EVI5: variants seen among roughly 807,000 people sequenced by gnomAD.
EVI5 encodes the protein ecotropic viral integration site 5 protein homolog.
Under a neutral mutation model 112.0 loss-of-function variants are expected in EVI5, and 73 were observed. The observed-to-expected ratio is 0.65, with a 90% confidence interval of 0.54 to 0.79. The LOEUF is 0.79. Ranked by LOEUF, EVI5 falls within the 30% of genes least tolerant of loss-of-function variation. The pLI is 0.00. For synonymous variants in EVI5, 305 were observed against 319.9 expected, an observed-to-expected ratio of 0.95 and a Z score of 0.50; for missense variants, 900 against 968.8, an observed-to-expected ratio of 0.93 and a Z score of 0.94.
intron 16 of EVI5, chr1:92,622,247 G>C (rs1191946710): frequency 5.0e-6 from 2 of 398,500 alleles, no homozygotes; most frequent in Non-Finnish European, 1.0e-5. Flanking sequence ...TTTGATAACT[G>C]TACCTCAGTA....
chr1:92,690,178 G>A (rs1408190273), intron 9 of EVI5, among the ~76,000 whole-genome samples: 1 of 151,938 alleles, frequency 6.6e-6, no homozygotes, highest in Non-Finnish European at 1.5e-5. Flanking sequence ...ACGCCTGGCT[G>A]AAATAATGAA....
intron 2 of EVI5, among the ~76,000 whole-genome samples, chr1:92,716,906 C>T (rs758766717): frequency 2.0e-5 from 3 of 150,930 alleles, no homozygotes; most frequent in African/African-American, 4.9e-5. Flanking sequence ...TCGCCAGCAA[C>T]GGAACAAAGC....
At chr1:92,737,121 T>G (rs1677573574) in intron 1 of EVI5, among the ~76,000 whole-genome samples, 1 of 152,146 alleles carries the variant, frequency 6.6e-6, no homozygotes. Context: ...AAAAACTGGG[T>G]GTATTTAGCA....
At chr1:92,703,681 A>G in intron 3 of EVI5, 62 bp from the exon 4 acceptor site, 1 of 1,002,354 alleles carries the variant, frequency 1.0e-6, no homozygotes, top group Non-Finnish European at 1.5e-6. Flanking sequence ...CAAGCCAAGG[A>G]AGACTTATTA....
At chr1:92,640,871 C>T (rs1280618793) in intron 13 of EVI5, among the ~76,000 whole-genome samples, 1 of 152,148 alleles carries the variant, frequency 6.6e-6, no homozygotes, top group Non-Finnish European at 1.5e-5. Context: ...AAATGTGGTA[C>T]ATAAACACCA....
At chr1:92,692,428 A>G (rs1669634814) in intron 9 of EVI5, among the ~76,000 whole-genome samples, 1 of 152,228 alleles carries the variant, frequency 6.6e-6, no homozygotes, top group Non-Finnish European at 1.5e-5. Flanking sequence ...TGTCTATATG[A>G]TGTCTCCACA....
At chr1:92,789,829 T>C (rs975850400), upstream of EVI5, among the ~76,000 whole-genome samples, 5 of 152,224 alleles carry the variant, frequency 3.3e-5, no homozygotes, top group African/African-American at 9.6e-5. Flanking sequence ...GACAGTCCTC[T>C]GAAAGGCAAA....
chr1:92,694,175 G>A (rs1206895203), intron 8 of EVI5, 124 bp downstream of exon 8: 3 of 635,164 alleles, frequency 4.7e-6, no homozygotes, highest in Non-Finnish European at 8.4e-6. Context: ...AGCGGTAGGA[G>A]GATCACTTGA....
At chr1:92,706,496 C>A (rs539912084) in intron 2 of EVI5, among the ~76,000 whole-genome samples, 1 of 152,144 alleles carries the variant, frequency 6.6e-6, no homozygotes, top group Non-Finnish European at 1.5e-5. Context: ...TCACTATCAA[C>A]AGAGATATGC....
At position 92,785,096 on chromosome 1, in the gene EVI5, G is replaced by A; in HGVS notation, c.-342C>T. 1 of 985,534 alleles carries A rather than the reference G, an allele frequency of 1.0e-6. No homozygotes were observed. Among genetic ancestry groups the A allele is most frequent in the Non-Finnish European group, 1.2e-6 (1 of 830,036 alleles). 61.0% of individuals were successfully genotyped at this position (985,534 alleles called of 1,614,324 possible). A position where few individuals can be genotyped will look rare whatever the true frequency, so the allele number is the denominator to read the frequency against. ...TTCCTCCGGGGTCCGGCCCGGCCGCGTCAGGAGAGCCCAAGGCGCAGGCGC... is the reference window on the plus strand; with the variant it reads ...TTCCTCCGGGGTCCGGCCCGGCCGCATCAGGAGAGCCCAAGGCGCAGGCGC... On this transcript the variant is annotated 5_prime_UTR_variant, in exon 1 of 20. The change creates a new upstream start codon in the 5' untranslated region. Coordinates refer to ENST00000684568, the MANE Select transcript of EVI5 (RefSeq NM_001350197.2).
chr1:92,558,601 T>C (rs1668027041), intron 19 of EVI5, among the ~76,000 whole-genome samples: 1 of 152,186 alleles, frequency 6.6e-6, no homozygotes, highest in Non-Finnish European at 1.5e-5. Flanking sequence ...ATCTGGACCA[T>C]TGTAACAGAC....
intron 16 of EVI5, chr1:92,622,419 A>C (rs1654797035): frequency 2.9e-6 from 1 of 346,052 alleles, no homozygotes; most frequent in African/African-American, 2.2e-5. Flanking sequence ...GAAGATATAC[A>C]CAAGGAAACA....
At chr1:92,739,804 T>G (rs1282917203) in intron 1 of EVI5, among the ~76,000 whole-genome samples, 1 of 152,076 alleles carries the variant, frequency 6.6e-6, no homozygotes, top group Admixed American at 6.5e-5. Context: ...CTATGGTTAA[T>G]TACTTCCTGA....
rs1203009655 is a variant in EVI5, at chr1:92,625,881, G to A, written c.1581C>T (p.Leu527=). Residue 527 remains leucine (L), a synonymous_variant, in exon 15 of 20, where the codon CTC becomes CTT. Coordinates refer to ENST00000684568, the MANE Select transcript of EVI5 (RefSeq NM_001350197.2). ...ENNIARLQEE[L]IAVKLREAEA... is the part of the protein sequence containing the mutation. ...CTGCTTCTCTAAGTTTCACAGCAAT[G>A]AGTTCTTCCTGAAGCCTTGCAATAT... is the stretch of plus-strand genomic sequence containing the variant. The A allele has an allele frequency of 8.1e-6, 13 of 1,609,494 alleles. No individual in the cohort carries two copies. Among genetic ancestry groups the A allele is most frequent in the Non-Finnish European group, 8.5e-6 (10 of 1,175,946 alleles).
chr1:92,540,066 A>T (rs906128184), intron 19 of EVI5, among the ~76,000 whole-genome samples: 1 of 152,170 alleles, frequency 6.6e-6, no homozygotes, highest in Admixed American at 6.5e-5. Flanking sequence ...TGGATATACC[A>T]CATTTTATTT....
In EVI5 at chr1:92,702,179, G is replaced by T; in HGVS notation, c.601C>A (p.Gln201Lys). The T allele has an allele frequency of 6.6e-7, 1 of 1,514,090 alleles. No individual in the cohort carries two copies. The highest frequency in any genetic ancestry group is 1.3e-5 in the South Asian group (1 of 77,738). 93.8% of individuals were successfully genotyped at this position (1,514,090 alleles called of 1,614,324 possible). ...AATCCAACTATAAAAGCACTTCCTT[G>T]ACAGTAACCAACCTCACGATCTACT... is the stretch of plus-strand genomic sequence containing the variant. ...SLVDREVGYC[Q>K]GSAFIVGLLL... Residue 201 changes from glutamine (Q) to lysine (K), a missense_variant, in exon 5 of 20, where the codon CAA becomes AAA. Gln to Lys is a moderately conservative substitution (Grantham distance 53). Coordinates refer to ENST00000684568, the MANE Select transcript of EVI5 (RefSeq NM_001350197.2).
intron 2 of EVI5, among the ~76,000 whole-genome samples, chr1:92,724,605 C>T (rs55995837): frequency 0.086 from 13,104 of 151,998 alleles, 1,604 homozygotes; most frequent in African/African-American, 0.27. Context: ...CCCAGGCGTT[C>T]GAGACAAGCC....
intron 1 of EVI5, among the ~76,000 whole-genome samples, chr1:92,757,824 C>G (rs552458116): frequency 1.6e-4 from 24 of 147,612 alleles, no homozygotes; most frequent in African/African-American, 6.0e-4. Flanking sequence ...ATCACTTGAA[C>G]CCGGGAGGCA....
Position 92,513,642 on chromosome 1 carries a change from G to A in EVI5, c.*14C>T, listed in dbSNP as rs1659386060. 6.4e-7 allele frequency: 1 copy of A among 1,565,928 alleles called. No individual in the cohort carries two copies. The highest frequency in any genetic ancestry group is 1.4e-5 in the African/African-American group (1 of 71,524). ...ATCCCTTAAATAAATCCATAGTCTA[G>A]GTCACAGTGATGGTCAGACAGTGGT... On this transcript the variant is annotated 3_prime_UTR_variant, in exon 20 of 20. Coordinates refer to ENST00000684568, the MANE Select transcript of EVI5 (RefSeq NM_001350197.2).
Sources: gnomAD v4.1 joint callset for allele counts (sites outside exome capture counted in the v4.1 genomes callset) on GRCh38, gnomAD v4.1.1 for gene constraint, MANE v1.5 for transcripts, NCBI Gene and HGNC (gene_info 2026-07-23, HGNC 2026-07-21) for gene names.